PPP2R1B: variants seen among roughly 807,000 people sequenced by gnomAD.
PPP2R1B encodes protein phosphatase 2 scaffold subunit Abeta.
Under a neutral mutation model 72.7 loss-of-function variants are expected in PPP2R1B, and 58 were observed. The observed-to-expected ratio is 0.80, with a 90% CI of 0.65 to 0.99. PPP2R1B has a LOEUF of 0.99. Ranked by LOEUF, PPP2R1B falls within the 50% of genes least tolerant of loss-of-function variation. PPP2R1B has a pLI of 0.00. For synonymous variants in PPP2R1B, 256 were observed against 264.6 expected (o/e 0.97, Z 0.32); for missense variants, 695 against 733.6 (o/e 0.95, Z 0.61).
Position 111,738,896 on chromosome 11 carries a change from G to A in PPP2R1B, c.*2700C>T. On this transcript the variant is annotated 3_prime_UTR_variant, in exon 15 of 15. Transcript: ENST00000527614. Reference sequence around the variant, plus strand: ...AGGTTATATGTTTGTGTGTGTGTGTGTGTGTGTGTGTGTGTGTGTGTGTGT... The same window carrying A: ...AGGTTATATGTTTGTGTGTGTGTGTATGTGTGTGTGTGTGTGTGTGTGTGT... 1.0e-6 allele frequency: 1 copy of A among 968,306 alleles called. No individual in the cohort carries two copies. The highest frequency in any genetic ancestry group is 1.2e-6 in the Non-Finnish European group (1 of 816,330). 60.0% of individuals were successfully genotyped at this position (968,306 alleles called of 1,614,324 possible).
At chr11:111,697,861 T>A in the PPP2R1B span, among the ~76,000 whole-genome samples, 1 of 151,706 alleles carries the variant, frequency 6.6e-6, no homozygotes, top group African/African-American at 2.4e-5. Context: ...GAAAAAAAAA[T>A]TAGCCAGGCA....
the PPP2R1B span, among the ~76,000 whole-genome samples, chr11:111,692,447 A>T: frequency 6.7e-6 from 1 of 149,030 alleles, no homozygotes; most frequent in African/African-American, 2.5e-5. Flanking sequence ...ATCTGCCTCA[A>T]GCAGATGGAT....
downstream of PPP2R1B, among the ~76,000 whole-genome samples, chr11:111,734,185 T>G (rs1011908477): frequency 2.0e-5 from 3 of 152,176 alleles, no homozygotes; most frequent in African/African-American, 7.2e-5. Flanking sequence ...CTGCCTATCT[T>G]ACTTTAACTC....
intron 5 of PPP2R1B, among the ~76,000 whole-genome samples, chr11:111,757,267 A>G (rs1168785401): frequency 7.9e-5 from 12 of 152,212 alleles, no homozygotes; most frequent in Admixed American, 5.2e-4. Context: ...AGTGTGTACA[A>G]TAACAGTTAT....
downstream of PPP2R1B, chr11:111,722,652 T>G: frequency 6.2e-7 from 1 of 1,612,188 alleles, no homozygotes; most frequent in Non-Finnish European, 8.5e-7. The surrounding 1 kb of genome is among the most constrained non-coding windows in gnomAD (Gnocchi z 4.4). Flanking sequence ...ATGTTGTTTT[T>G]CTGCTCTTCC....
At chr11:111,759,769 T>G in intron 5 of PPP2R1B, 35 bp downstream of exon 5, 3 of 1,569,752 alleles carry the variant, frequency 1.9e-6, no homozygotes, top group Non-Finnish European at 2.6e-6. Flanking sequence ...GAAAGGAGCA[T>G]ATCTGTGTCC....
the PPP2R1B span, among the ~76,000 whole-genome samples, chr11:111,706,153 CAATT>C: frequency 4.4e-3 from 675 of 152,264 alleles, 3 homozygotes; most frequent in Non-Finnish European, 7.1e-3. Flanking sequence ...AATGCTATGA[CAATT>C]AAATTAGTTA....
intron 5 of PPP2R1B, among the ~76,000 whole-genome samples, chr11:111,759,395 T>C (rs1434545969): frequency 3.9e-5 from 6 of 152,222 alleles, no homozygotes; most frequent in African/African-American, 1.4e-4. Flanking sequence ...TACACTACTA[T>C]AGAAGAAGCA....
At chr11:111,751,158 T>C (rs1944894046) in intron 10 of PPP2R1B, among the ~76,000 whole-genome samples, 2 of 152,048 alleles carry the variant, frequency 1.3e-5, no homozygotes, top group African/African-American at 4.8e-5. Flanking sequence ...TTCTTTTCTA[T>C]ATGGTGATTC....
chr11:111,693,859 G>A, the PPP2R1B span, among the ~76,000 whole-genome samples: 3 of 152,190 alleles, frequency 2.0e-5, no homozygotes, highest in South Asian at 6.2e-4. Flanking sequence ...TCGATGTAGG[G>A]TAATAGGTCA....
chr11:111,761,245 A>G (rs1555051359), intron 3 of PPP2R1B, 194 bp from the exon 4 acceptor site: 3 of 686,396 alleles, frequency 4.4e-6, no homozygotes, highest in African/African-American at 3.5e-5. Context: ...CGACTTCTGT[A>G]GAAAAGCCAA....
chr11:111,725,924 A>AT (rs1254464622), downstream of PPP2R1B: 2 of 152,220 alleles, frequency 1.3e-5, no homozygotes, highest in African/African-American at 4.8e-5. Flanking sequence ...GGGGACTGTC[A>AT]TTTTTGTGAT....
the PPP2R1B span, chr11:111,704,921 G>T: frequency 4.9e-6 from 7 of 1,431,144 alleles, no homozygotes; most frequent in South Asian, 4.3e-5. Context: ...TTTTTTTTTA[G>T]GCATGTGTAG....
chr11:111,691,257 A>G, the PPP2R1B span, among the ~76,000 whole-genome samples: 2 of 152,152 alleles, frequency 1.3e-5, no homozygotes, highest in East Asian at 1.9e-4. Flanking sequence ...TTCTAATTAT[A>G]TAGAAGTCAG....
At chr11:111,723,110 C>G (rs970938807), downstream of PPP2R1B, among the ~76,000 whole-genome samples, 2 of 152,162 alleles carry the variant, frequency 1.3e-5, no homozygotes, top group African/African-American at 4.8e-5. Flanking sequence ...CCCACAGCCT[C>G]GCTAGTAGAA....
the PPP2R1B span, among the ~76,000 whole-genome samples, chr11:111,692,180 G>A: frequency 6.2e-4 from 94 of 151,374 alleles, no homozygotes; most frequent in Admixed American, 1.3e-3. Flanking sequence ...GTGAAACCTC[G>A]TCTCTACTAA....
chr11:111,721,846 A>C, the PPP2R1B span: 4 of 1,608,422 alleles, frequency 2.5e-6, no homozygotes, highest in South Asian at 4.4e-5. Context: ...GTTTCTCAGC[A>C]GCAGGAAAGC....
At chr11:111,720,132 T>C in the PPP2R1B span, 4 of 928,796 alleles carry the variant, frequency 4.3e-6, no homozygotes, top group Non-Finnish European at 6.6e-6. Flanking sequence ...ATGGATTAGA[T>C]TCAGCAGGTA....
At chr11:111,756,001 G>A (rs1945101212) in intron 5 of PPP2R1B, among the ~76,000 whole-genome samples, 1 of 151,594 alleles carries the variant, frequency 6.6e-6, no homozygotes, top group South Asian at 2.1e-4. Context: ...GAGGTCAGGA[G>A]AGGGAAACCA....
Sources: gnomAD v4.1 joint callset for allele counts (sites outside exome capture counted in the v4.1 genomes callset) on GRCh38, gnomAD v4.1.1 for gene constraint, Gnocchi (gnomAD v3.1) non-coding constraint, MANE v1.5 for transcripts, NCBI Gene and HGNC (gene_info 2026-07-23, HGNC 2026-07-21) for gene names.